DIAPH3: variants seen among roughly 807,000 people sequenced by gnomAD.
DIAPH3 encodes the protein diaphanous related formin 3.
A neutral mutation model predicts 144.3 loss-of-function variants in DIAPH3; 117 were observed. That is an observed-to-expected ratio of 0.81 (90% CI 0.70 to 0.95). DIAPH3 has a LOEUF of 0.95. Ranked by LOEUF, DIAPH3 falls within the 40% of genes least tolerant of loss-of-function variation. The probability of loss-of-function intolerance (pLI) is 0.00; values close to 1 mark genes in which losing one functional copy is unlikely to be tolerated. For missense variants in DIAPH3, 1,421 were observed against 1,412.7 expected (o/e 1.01, Z -0.09); for synonymous variants, 519 against 488.9 (o/e 1.06, Z -0.81).
chr13:60,088,228 A>G (rs1169284994), intron 4 of DIAPH3, among the ~76,000 whole-genome samples: 2 of 30,168 alleles, frequency 6.6e-5, no homozygotes, highest in Non-Finnish European at 1.6e-4. Context: ...GTTCATCTCT[A>G]CTAAGTATTC....
At chr13:60,053,227 G>A (rs2056427322) in intron 4 of DIAPH3, among the ~76,000 whole-genome samples, 1 of 151,874 alleles carries the variant, frequency 6.6e-6, no homozygotes, top group Non-Finnish European at 1.5e-5. Flanking sequence ...GGGAAGTACG[G>A]GGAGGAAGGA....
chr13:59,948,347 T>C (rs1171036614), intron 17 of DIAPH3, among the ~76,000 whole-genome samples: 1 of 152,252 alleles, frequency 6.6e-6, no homozygotes, highest in Non-Finnish European at 1.5e-5. Flanking sequence ...ATAGCATTTA[T>C]ACTTCCACAT....
intron 22 of DIAPH3, among the ~76,000 whole-genome samples, chr13:59,851,302 C>A (rs1014716680): frequency 4.6e-5 from 7 of 152,154 alleles, no homozygotes; most frequent in African/African-American, 1.7e-4. Flanking sequence ...TACCTTGAGG[C>A]CTTTACACTT....
At chr13:60,134,774 AGT>A (rs1491507057) in intron 1 of DIAPH3, among the ~76,000 whole-genome samples, 1 of 152,244 alleles carries the variant, frequency 6.6e-6, no homozygotes, top group Non-Finnish European at 1.5e-5. Context: ...ATGCTTAAAA[AGT>A]AAAGCCAAAG....
intron 25 of DIAPH3, among the ~76,000 whole-genome samples, chr13:59,788,173 G>C (rs1362616094): frequency 6.6e-6 from 1 of 152,192 alleles, no homozygotes; most frequent in Admixed American, 6.5e-5. Flanking sequence ...ATCAATGAGA[G>C]ATCATTTTCA....
In DIAPH3 at chr13:59,970,012, T is replaced by C. The variant is rs1284612057; in HGVS notation, c.2006A>G (p.Asn669Ser). The change falls in exon 17 of 28, where the codon AAT becomes AGT. Residue 669 changes from asparagine to serine, a missense_variant. Physicochemically the swap from Asn to Ser is conservative, Grantham distance 46. Coordinates refer to ENST00000400324, the MANE Select transcript of DIAPH3 (RefSeq NM_001042517.2). ...ATCCACGTTTTCATACTTATTTTCATTTACTTTTATCCAGAAACAGTTTTC... is the reference window on the plus strand; with the variant it reads ...ATCCACGTTTTCATACTTATTTTCACTTACTTTTATCCAGAAACAGTTTTC... Reference protein sequence around the residue: ...MTENCFWIKVNENKYENVDLL... With the variant: ...MTENCFWIKVSENKYENVDLL... 6.2e-7 allele frequency: 1 copy of C among 1,609,134 alleles called. No individual in the cohort carries two copies.
chr13:59,726,560 C>T (rs768705768), intron 27 of DIAPH3, among the ~76,000 whole-genome samples: 1 of 152,180 alleles, frequency 6.6e-6, no homozygotes, highest in Non-Finnish European at 1.5e-5. Flanking sequence ...AGTTAACCAA[C>T]TCAAGAATCC....
chr13:60,044,968 T>C (rs912616350), intron 4 of DIAPH3, among the ~76,000 whole-genome samples: 1 of 152,220 alleles, frequency 6.6e-6, no homozygotes, highest in Non-Finnish European at 1.5e-5. Flanking sequence ...GACTTTGCTC[T>C]TCCTTTGCCT....
At position 59,992,650 on chromosome 13, in the gene DIAPH3, CT is replaced by C. The variant is rs2051908172; in HGVS notation, c.1015-68del. 2.4e-6 allele frequency: 3 copies of C among 1,264,442 alleles called. No homozygotes were observed. The East Asian group carries it at 7.3e-5, about 31-fold the overall frequency. 78.3% of individuals were successfully genotyped at this position (1,264,442 alleles called of 1,614,324 possible). The stretch of plus-strand genomic sequence containing the variant: ...TTAAAGAAAGAGTAACAAACGTAAA[CT>C]TCAAGGTTTTGTTCCAGCATTATTA... On this transcript the variant is annotated intron_variant, in intron 9 of 27. Coordinates refer to ENST00000400324, the MANE Select transcript of DIAPH3 (RefSeq NM_001042517.2).
At chr13:59,888,056 A>G (rs1230669589) in intron 20 of DIAPH3, among the ~76,000 whole-genome samples, 1 of 152,086 alleles carries the variant, frequency 6.6e-6, no homozygotes, top group Non-Finnish European at 1.5e-5. Context: ...TTTGTTTTCC[A>G]TATGTCCTTT....
At chr13:59,909,731 AG>A (rs2046903636) in intron 20 of DIAPH3, among the ~76,000 whole-genome samples, 1 of 152,192 alleles carries the variant, frequency 6.6e-6, no homozygotes, top group Non-Finnish European at 1.5e-5. Flanking sequence ...ACTGGCACTC[AG>A]GTATGACCCA....
At chr13:59,819,598 G>A (rs910446329) in intron 24 of DIAPH3, among the ~76,000 whole-genome samples, 1 of 151,724 alleles carries the variant, frequency 6.6e-6, no homozygotes, top group Non-Finnish European at 1.5e-5. Context: ...TTATACATGT[G>A]TGTTTCATGA....
chr13:59,858,283 C>T (rs1252875575), intron 22 of DIAPH3, among the ~76,000 whole-genome samples: 1 of 151,944 alleles, frequency 6.6e-6, no homozygotes, highest in African/African-American at 2.4e-5. Flanking sequence ...AGGAAATTGA[C>T]CATAGGAGGG....
intron 11 of DIAPH3, 84 bp downstream of exon 11, chr13:59,991,984 T>A: frequency 9.6e-7 from 1 of 1,037,580 alleles, no homozygotes; most frequent in Non-Finnish European, 1.5e-6. Flanking sequence ...TATATAGAAA[T>A]GAGCTAAATA....
intron 11 of DIAPH3, 55 bp downstream of exon 11, chr13:59,992,013 G>A (rs1006033289): frequency 5.0e-6 from 7 of 1,401,304 alleles, no homozygotes; most frequent in Non-Finnish European, 7.1e-6. Flanking sequence ...TGAGTATTTT[G>A]GATTTAGCAA....
chr13:59,717,184 C>A lies in DIAPH3; in HGVS notation c.3320-50338G>T, dbSNP rs562729173. ...GTAAGTTAACGAAACCTTAGAACTACTCCGAGTTTGGGAAGGAATTAAAAA... is the reference window on the plus strand; with the variant it reads ...GTAAGTTAACGAAACCTTAGAACTAATCCGAGTTTGGGAAGGAATTAAAAA... On this transcript the variant is annotated intron_variant, in intron 27 of 27. Transcript: ENST00000400324. Among the ~76,000 whole-genome samples the A allele has an allele frequency of 2.0e-4, 30 of 152,238 alleles. No individual in the cohort carries two copies. The South Asian group carries it at 6.0e-3, about 30-fold the overall frequency.
intron 22 of DIAPH3, among the ~76,000 whole-genome samples, chr13:59,855,216 TA>T (rs1253923988): frequency 6.6e-6 from 1 of 152,144 alleles, no homozygotes; most frequent in Non-Finnish European, 1.5e-5. Context: ...TCCCTGGAAA[TA>T]AACTGGCAGG....
At chr13:59,805,682 A>G (rs1281594965) in intron 25 of DIAPH3, among the ~76,000 whole-genome samples, 1 of 152,008 alleles carries the variant, frequency 6.6e-6, no homozygotes, top group Non-Finnish European at 1.5e-5. Context: ...CAGGTTCATC[A>G]TTTAAAAAAA....
At chr13:59,794,316 A>G (rs928619456) in intron 25 of DIAPH3, among the ~76,000 whole-genome samples, 1 of 152,112 alleles carries the variant, frequency 6.6e-6, no homozygotes, top group Non-Finnish European at 1.5e-5. Context: ...TCTACCTCTT[A>G]TTGTGTCCCT....
Sources: gnomAD v4.1 joint callset for allele counts (sites outside exome capture counted in the v4.1 genomes callset) on GRCh38, gnomAD v4.1.1 for gene constraint, MANE v1.5 for transcripts, NCBI Gene and HGNC (gene_info 2026-07-23, HGNC 2026-07-21) for gene names.